The following SLC22A23 variants were observed in gnomAD, a reference collection of about 807,000 sequenced individuals.
SLC22A23 encodes the protein solute carrier family 22 member 23, also known as ion transporter protein.
SLC22A23 carries 26 observed loss-of-function variants against 61.0 expected under a neutral mutation model. The observed-to-expected ratio is 0.43, with a 90% CI of 0.31 to 0.59. The LOEUF (loss-of-function observed/expected upper bound fraction) is 0.59, where lower values mean the gene tolerates loss of function less well. Among genes scored for constraint, SLC22A23 ranks in the 20% least tolerant of loss-of-function variants. The pLI is 0.11. For synonymous variants in SLC22A23, 430 were observed against 413.9 expected (o/e 1.04, Z -0.47); for missense variants, 796 against 934.7 (o/e 0.85, Z 1.94).
chr6:3,455,783 G>A (rs995585998), intron 1 of SLC22A23, 123 bp downstream of exon 1: 3 of 1,207,736 alleles, frequency 2.5e-6, no homozygotes, highest in Non-Finnish European at 3.4e-6. Flanking sequence ...TTAAGCCAAT[G>A]CGGAATGCCC....
At chr6:3,439,200 G>A (rs188539092) in intron 1 of SLC22A23, 88 of 360,778 alleles carry the variant, frequency 2.4e-4, no homozygotes, top group African/African-American at 1.2e-3. Flanking sequence ...CCCACCAGGC[G>A]CCAGTAGCAC....
chr6:3,447,268 C>T (rs1771941074), intron 1 of SLC22A23, among the ~76,000 whole-genome samples: 1 of 152,220 alleles, frequency 6.6e-6, no homozygotes, highest in African/African-American at 2.4e-5. Flanking sequence ...TTTTGCCTCT[C>T]TCTCTACCTC....
At chr6:3,334,845 C>G (rs975480294) in intron 3 of SLC22A23, among the ~76,000 whole-genome samples, 2 of 152,206 alleles carry the variant, frequency 1.3e-5, no homozygotes, top group African/African-American at 2.4e-5. Flanking sequence ...AGCTGCTGAT[C>G]CTTGTCCAAC....
At chr6:3,357,098 A>G (rs1398027217) in intron 3 of SLC22A23, among the ~76,000 whole-genome samples, 3 of 148,028 alleles carry the variant, frequency 2.0e-5, no homozygotes, top group Non-Finnish European at 4.5e-5. Flanking sequence ...AAAACAAGGC[A>G]GGCACTGTAA....
At chr6:3,283,202 T>TG (rs56836093) in intron 9 of SLC22A23, among the ~76,000 whole-genome samples, 18 of 151,596 alleles carry the variant, frequency 1.2e-4, no homozygotes, top group Admixed American at 6.5e-4. Flanking sequence ...GAGGCCAAGG[T>TG]GGGGGGATCA....
chr6:3,296,716 C>T (rs750320008), intron 5 of SLC22A23, among the ~76,000 whole-genome samples: 19 of 152,256 alleles, frequency 1.2e-4, no homozygotes, highest in Non-Finnish European at 2.6e-4. Flanking sequence ...TGGGTAGGCC[C>T]CACCCCACCC....
chr6:3,368,509 G>C lies in SLC22A23; in HGVS notation c.913+41679C>G, dbSNP rs1445105616. On this transcript the variant is annotated intron_variant, in intron 3 of 9. Coordinates refer to ENST00000406686, the MANE Select transcript of SLC22A23 (RefSeq NM_015482.2). ...GACCCAAAAATATTCATAAGATTCA[G>C]AAGTACTGCCTTAGAAGGGGCTTTC... is the stretch of plus-strand genomic sequence containing the variant. 1.3e-5 allele frequency among the ~76,000 whole-genome samples: 2 copies of C among 152,208 alleles called. 1 individual carries two copies. The highest frequency in any genetic ancestry group is 2.9e-5 in the Non-Finnish European group (2 of 68,046).
At chr6:3,446,921 T>C (rs977026408) in intron 1 of SLC22A23, among the ~76,000 whole-genome samples, 1 of 152,074 alleles carries the variant, frequency 6.6e-6, no homozygotes, top group African/African-American at 2.4e-5. Context: ...TGCCTCCCCG[T>C]CAGCCCTGGG....
chr6:3,341,611 T>G (rs1043058449), intron 3 of SLC22A23, among the ~76,000 whole-genome samples: 2 of 152,230 alleles, frequency 1.3e-5, no homozygotes, highest in Admixed American at 6.5e-5. Flanking sequence ...ATGCTGTGAT[T>G]ACCAAACCAT....
intron 3 of SLC22A23, among the ~76,000 whole-genome samples, chr6:3,354,234 G>T (rs1764941891): frequency 6.6e-6 from 1 of 152,216 alleles, no homozygotes; most frequent in Non-Finnish European, 1.5e-5. Flanking sequence ...AGGCAGTCAG[G>T]GCATTGGATG....
At chr6:3,405,156 G>A (rs1049929153) in intron 3 of SLC22A23, among the ~76,000 whole-genome samples, 2 of 152,044 alleles carry the variant, frequency 1.3e-5, no homozygotes, top group Admixed American at 6.5e-5. Context: ...AGCTACTTGG[G>A]AGGGTGAGGC....
At position 3,406,381 on chromosome 6, in the gene SLC22A23, C is replaced by G. The variant is rs116605339; in HGVS notation, c.913+3807G>C. Reference sequence around the variant, plus strand: ...TTAGGAAAAGGATTCATACCACAACCAATCACGTCCGCCTATGCTGAGAAG... The same window carrying G: ...TTAGGAAAAGGATTCATACCACAACGAATCACGTCCGCCTATGCTGAGAAG... On this transcript the variant is annotated intron_variant, in intron 3 of 9. Transcript: ENST00000406686. Among the ~76,000 whole-genome samples, 808 of 152,286 alleles carry G rather than the reference C, an allele frequency of 5.3e-3. 8 individuals carry two copies. The highest frequency in any genetic ancestry group is 0.018 in the African/African-American group (746 of 41,560).
rs1561851427 is a variant in SLC22A23, at chr6:3,272,248, G to A, written c.*807C>T. 2.0e-5 allele frequency: 3 copies of A among 152,716 alleles called. No homozygotes were observed. The highest frequency in any genetic ancestry group is 4.1e-4 in the South Asian group (2 of 4,836). The allele number at this position is 152,716 out of a possible 1,614,324, so 9.5% of individuals were successfully genotyped here. ...GTGCACGAGGGACTTTTCTGCTGGAGCCAATCTGGGAGAGGAGGAATAAAA... is the reference window on the plus strand; with the variant it reads ...GTGCACGAGGGACTTTTCTGCTGGAACCAATCTGGGAGAGGAGGAATAAAA... On this transcript the variant is annotated 3_prime_UTR_variant, in exon 10 of 10. Transcript: ENST00000406686.
At chr6:3,285,462 T>C (rs913664698) in intron 7 of SLC22A23, among the ~76,000 whole-genome samples, 3 of 152,354 alleles carry the variant, frequency 2.0e-5, no homozygotes, top group Middle Eastern at 3.4e-3. Flanking sequence ...CGTCAAGTGC[T>C]GTGGGGTGCC....
intron 3 of SLC22A23, among the ~76,000 whole-genome samples, chr6:3,376,149 C>T (rs759487482): frequency 2.6e-5 from 4 of 152,182 alleles, no homozygotes; most frequent in Non-Finnish European, 5.9e-5. Context: ...CCAATGCTGG[C>T]TTCAGAATAA....
intron 1 of SLC22A23, among the ~76,000 whole-genome samples, chr6:3,433,382 T>C (rs1013758246): frequency 1.3e-5 from 2 of 152,136 alleles, no homozygotes; most frequent in African/African-American, 4.8e-5. Flanking sequence ...CACAACTCTC[T>C]AGGGCCAGGG....
At chr6:3,310,138 A>G (rs1207531605) in intron 4 of SLC22A23, among the ~76,000 whole-genome samples, 1 of 152,184 alleles carries the variant, frequency 6.6e-6, no homozygotes. Flanking sequence ...CAAGGCAGGA[A>G]AATTTCTCTG....
chr6:3,362,770 T>C (rs10458073), intron 3 of SLC22A23, among the ~76,000 whole-genome samples: 53,726 of 151,816 alleles, frequency 0.35, 9,809 homozygotes, highest in East Asian at 0.53. Context: ...CAGAAGCAGG[T>C]AGACCTCCAG....
intron 7 of SLC22A23, among the ~76,000 whole-genome samples, chr6:3,285,499 C>G (rs923428534): frequency 6.6e-6 from 1 of 152,342 alleles, no homozygotes; most frequent in East Asian, 1.9e-4. Flanking sequence ...CTGCTCCTCA[C>G]GGCTGCTTGG....
Sources: allele counts gnomAD v4.1 joint callset (sites outside exome capture counted in the v4.1 genomes callset), GRCh38; gene constraint gnomAD v4.1.1; transcripts MANE v1.5; gene names NCBI Gene and HGNC (gene_info 2026-07-23, HGNC 2026-07-21).